Variants in RNF146 observed in about 807,000 individuals in gnomAD.
RNF146 encodes E3 ubiquitin-protein ligase RNF146.
Under a neutral mutation model 29.7 loss-of-function variants are expected in RNF146, and 11 were observed. That is an observed-to-expected ratio of 0.37 (90% CI 0.23 to 0.61). The LOEUF (loss-of-function observed/expected upper bound fraction) is 0.61. RNF146 is among the 20% of genes least tolerant of loss of function. RNF146 has a pLI of 0.66. For synonymous variants in RNF146, 150 were observed against 159.7 expected, an observed-to-expected ratio of 0.94 and a Z score of 0.46; for missense variants, 342 against 438.9, an observed-to-expected ratio of 0.78 and a Z score of 1.97.
chr6:127,287,980 T>C lies in RNF146; in HGVS notation c.*287T>C, dbSNP rs1779751915. ...AAACTTCTGTAGTTCTTTTGGCCAG[T>C]GTGTTTGTATTATCTGTGCATTAAT... On this transcript the variant is annotated 3_prime_UTR_variant, in exon 3 of 3. Transcript: ENST00000368314. 1 of 242,818 alleles carries C rather than the reference T, an allele frequency of 4.1e-6. No individual in the cohort carries two copies. Among genetic ancestry groups the C allele is most frequent in the African/African-American group, 2.3e-5 (1 of 43,766 alleles). 15.0% of individuals were successfully genotyped at this position (242,818 alleles called of 1,614,324 possible).
At chr6:127,266,786 G>T (rs1003479742), upstream of RNF146, 1 of 151,944 alleles carries the variant, frequency 6.6e-6, no homozygotes, top group African/African-American at 2.4e-5. Flanking sequence ...GCCGGTGCGG[G>T]TGCGGGTGCG....
intron 1 of RNF146, among the ~76,000 whole-genome samples, chr6:127,275,037 A>G (rs1219834414): frequency 1.3e-5 from 2 of 152,148 alleles, no homozygotes; most frequent in African/African-American, 4.8e-5. Flanking sequence ...ATGTCTGTAT[A>G]ATTTTTCTGA....
intron 2 of RNF146, among the ~76,000 whole-genome samples, chr6:127,280,919 A>G (rs539132253): frequency 6.6e-6 from 1 of 151,864 alleles, no homozygotes; most frequent in South Asian, 2.1e-4. Context: ...ACTTCACCGT[A>G]TTGATGAAAC....
intron 1 of RNF146, among the ~76,000 whole-genome samples, chr6:127,269,902 A>G (rs1021380522): frequency 2.0e-5 from 3 of 152,184 alleles, no homozygotes; most frequent in African/African-American, 7.2e-5. Context: ...TGTATTTTGA[A>G]TAAATGGCAA....
chr6:127,266,983 A>T (rs1463757329), intron 1 of RNF146, 58 bp downstream of exon 1: 4 of 152,118 alleles, frequency 2.6e-5, no homozygotes, highest in African/African-American at 9.7e-5. Flanking sequence ...CCACTCTAGG[A>T]TCCTCACTCG....
At chr6:127,282,072 G>C (rs1778982796) in intron 2 of RNF146, among the ~76,000 whole-genome samples, 1 of 151,724 alleles carries the variant, frequency 6.6e-6, no homozygotes, top group South Asian at 2.1e-4. Flanking sequence ...TGGTGTTTAG[G>C]AAATCAAAAT....
intron 1 of RNF146, among the ~76,000 whole-genome samples, chr6:127,267,324 C>G (rs1205789661): frequency 1.3e-5 from 2 of 152,186 alleles, no homozygotes; most frequent in Non-Finnish European, 2.9e-5. Flanking sequence ...ACTGCGCAGC[C>G]TCTTCCGCCT....
At chr6:127,268,989 A>G (rs1777063662) in intron 1 of RNF146, among the ~76,000 whole-genome samples, 1 of 152,202 alleles carries the variant, frequency 6.6e-6, no homozygotes, top group Admixed American at 6.5e-5. Context: ...GAAACATCTA[A>G]CAGCACTGAC....
upstream of RNF146, chr6:127,266,753 C>A (rs1776646923): frequency 6.6e-6 from 1 of 152,106 alleles, no homozygotes; most frequent in Non-Finnish European, 1.5e-5. Flanking sequence ...AGGGGCAGAA[C>A]GATGAGGCGC....
At chr6:127,273,439 GATAAA>G (rs1170453725) in intron 1 of RNF146, among the ~76,000 whole-genome samples, 12 of 152,086 alleles carry the variant, frequency 7.9e-5, no homozygotes, top group African/African-American at 2.4e-4. Flanking sequence ...AATACTAAAT[GATAAA>G]ATAGACTATA....
chr6:127,287,899 G>C lies in RNF146; in HGVS notation c.*206G>C, dbSNP rs1490255806. On this transcript the variant is annotated 3_prime_UTR_variant, in exon 3 of 3. Coordinates refer to ENST00000368314, the MANE Select transcript of RNF146 (RefSeq NM_001242850.2). ...AAGGAACTTGGGTGTTAATAGTTGAGAGCTGTTTAGTAATAACCCAGTTTT... is the reference window on the plus strand; with the variant it reads ...AAGGAACTTGGGTGTTAATAGTTGACAGCTGTTTAGTAATAACCCAGTTTT... 2 of 449,978 alleles carry C rather than the reference G, an allele frequency of 4.4e-6. No homozygotes were observed. The highest frequency in any genetic ancestry group is 4.0e-5 in the African/African-American group (2 of 49,964). The allele number at this position is 449,978 out of a possible 1,614,324, so 27.9% of individuals were successfully genotyped here. A position where few individuals can be genotyped will look rare whatever the true frequency, so the allele number is the denominator to read the frequency against.
rs1286357624 is a variant in RNF146 at position 127,286,805 on chromosome 6, T to C, written c.192T>C (p.Ala64=). The change falls in exon 3 of 3, where the codon GCT becomes GCC. Residue 64 remains alanine (A), a synonymous_variant. Coordinates refer to ENST00000368314, the MANE Select transcript of RNF146 (RefSeq NM_001242850.2). This position sits in a 1 kb window ranked among gnomAD's most constrained non-coding sequence, Gnocchi z 4.6. ...TCTGCTATCTATGTGTAAAAGGAGC[T>C]TCATGGCTTGGAAAGCGGTGTGCTC... ...HVFCYLCVKG[A]SWLGKRCALC... 1 of 1,613,272 alleles carries C rather than the reference T, an allele frequency of 6.2e-7. No individual in the cohort carries two copies. Among genetic ancestry groups the C allele is most frequent in the African/African-American group, 1.3e-5 (1 of 74,932 alleles).
At chr6:127,277,327 G>A (rs1258247040) in intron 1 of RNF146, among the ~76,000 whole-genome samples, 1 of 151,970 alleles carries the variant, frequency 6.6e-6, no homozygotes, top group East Asian at 1.9e-4. Flanking sequence ...CTTCTTTGAT[G>A]CCATTGAAGT....
At chr6:127,275,576 A>G (rs2114451443) in intron 1 of RNF146, among the ~76,000 whole-genome samples, 1 of 152,128 alleles carries the variant, frequency 6.6e-6, no homozygotes, top group East Asian at 1.9e-4. Context: ...CAGGGGATTC[A>G]TGATTTCACA....
chr6:127,274,225 ATATTTG>A (rs1416858945), intron 1 of RNF146, among the ~76,000 whole-genome samples: 2 of 152,172 alleles, frequency 1.3e-5, no homozygotes, highest in Non-Finnish European at 2.9e-5. Flanking sequence ...TTTTACTTTA[ATATTTG>A]TGGCTATAGC....
chr6:127,266,782 G>A (rs569397323), upstream of RNF146: 5 of 152,020 alleles, frequency 3.3e-5, no homozygotes, highest in East Asian at 5.9e-4. Context: ...GCTCGCCGGT[G>A]CGGGTGCGGG....
chr6:127,272,636 C>A (rs910672401), intron 1 of RNF146, among the ~76,000 whole-genome samples: 1 of 152,044 alleles, frequency 6.6e-6, no homozygotes, highest in African/African-American at 2.4e-5. Flanking sequence ...CCAAGAAGAA[C>A]CTGGTTGTGT....
Position 127,286,837 on chromosome 6 carries a change from G to A in RNF146, c.224G>A (p.Arg75Gln), listed in dbSNP as rs146049752. ...CTTGGAAAGCGGTGTGCTCTTTGTCGACAAGAAATTCCCGAGGATTTCCTT... is the reference window on the plus strand; with the variant it reads ...CTTGGAAAGCGGTGTGCTCTTTGTCAACAAGAAATTCCCGAGGATTTCCTT... ...SWLGKRCALC[R>Q]QEIPEDFLDK... The change falls in exon 3 of 3, where the codon CGA becomes CAA. Residue 75 changes from arginine (R) to glutamine (Q), a missense_variant. This residue lies in a region of RNF146 where 27 missense variants were observed against 66.0 expected (regional missense o/e 0.41). Coordinates refer to ENST00000368314, the MANE Select transcript of RNF146 (RefSeq NM_001242850.2). This position sits in a 1 kb window ranked among gnomAD's most constrained non-coding sequence, Gnocchi z 4.6. 1 of 1,613,078 alleles carries A rather than the reference G, an allele frequency of 6.2e-7. No homozygotes were observed. The highest frequency in any genetic ancestry group is 8.5e-7 in the Non-Finnish European group (1 of 1,179,550).
Position 127,287,225 on chromosome 6 carries a change from A to G in RNF146, c.612A>G (p.Val204=), listed in dbSNP as rs1779635300. The G allele has an allele frequency of 4.3e-6, 7 of 1,613,440 alleles. No homozygotes were observed. Among genetic ancestry groups the G allele is most frequent in the Non-Finnish European group, 5.1e-6 (6 of 1,179,630 alleles). The change falls in exon 3 of 3, where the codon GTA becomes GTG. Residue 204 remains valine, a synonymous_variant. Coordinates refer to ENST00000368314, the MANE Select transcript of RNF146 (RefSeq NM_001242850.2). ...GCTCTGCTGACGGAGCGGACAGTGTATCAGCACAGAGTGGAGCTTCTGTTC... is the reference window on the plus strand; with the variant it reads ...GCTCTGCTGACGGAGCGGACAGTGTGTCAGCACAGAGTGGAGCTTCTGTTC... ...RESSADGADS[V]SAQSGASVQP... is the part of the protein sequence containing the mutation.
Sources: allele counts gnomAD v4.1 joint callset (sites outside exome capture counted in the v4.1 genomes callset), GRCh38; gene constraint gnomAD v4.1.1; regional missense constraint gnomAD v4.1.1; non-coding constraint Gnocchi (gnomAD v3.1); transcripts MANE v1.5; gene names NCBI Gene and HGNC (gene_info 2026-07-23, HGNC 2026-07-21).